Variants in DOCK9 observed in about 807,000 individuals in gnomAD.
DOCK9 encodes the protein dedicator of cytokinesis 9, also known as dedicator of cytokinesis protein 9.
DOCK9 carries 89 observed loss-of-function variants against 263.3 expected under a neutral mutation model. The ratio of observed to expected loss-of-function variants is 0.34; its 90% CI spans 0.28 to 0.40. The LOEUF (loss-of-function observed/expected upper bound fraction) is 0.40. Ranked by LOEUF, DOCK9 falls within the 10% of genes least tolerant of loss-of-function variation. The probability of loss-of-function intolerance (pLI) is 1.00; values close to 1 mark genes in which losing one functional copy is unlikely to be tolerated. For synonymous variants in DOCK9, 976 were observed against 973.1 expected (o/e 1.00, Z -0.06); for missense variants, 2,140 against 2,603.4 (o/e 0.82, Z 3.87).
At chr13:99,040,777 T>C (rs1266852186) in intron 1 of DOCK9, among the ~76,000 whole-genome samples, 1 of 152,156 alleles carries the variant, frequency 6.6e-6, no homozygotes, top group Non-Finnish European at 1.5e-5. Flanking sequence ...TAGGATGTAT[T>C]TGACCAACCC....
intron 1 of DOCK9, among the ~76,000 whole-genome samples, chr13:99,027,986 A>T (rs1180429650): frequency 6.6e-6 from 1 of 152,252 alleles, no homozygotes; most frequent in Non-Finnish European, 1.5e-5. Context: ...ACAACACAGC[A>T]CATGCTTTGA....
chr13:98,923,159 T>A (rs535043995), intron 5 of DOCK9, 143 bp downstream of exon 5: 28 of 717,338 alleles, frequency 3.9e-5, no homozygotes, highest in Admixed American at 7.7e-5. Context: ...ATAACATTTT[T>A]AAAAAATTAT....
At chr13:98,953,346 C>T in intron 2 of DOCK9, among the ~76,000 whole-genome samples, 1 of 152,228 alleles carries the variant, frequency 6.6e-6, no homozygotes, top group East Asian at 1.9e-4. Context: ...ATATTTGTGC[C>T]TGCTATCACC....
At chr13:98,892,769 CAGAGTATCT>C (rs2046817360) in intron 15 of DOCK9, among the ~76,000 whole-genome samples, 1 of 152,156 alleles carries the variant, frequency 6.6e-6, no homozygotes, top group Non-Finnish European at 1.5e-5. Context: ...TACCAGAAGG[CAGAGTATCT>C]AGATCTATCG....
At chr13:99,030,940 T>C (rs768099501) in intron 1 of DOCK9, among the ~76,000 whole-genome samples, 1 of 152,204 alleles carries the variant, frequency 6.6e-6, no homozygotes, top group Non-Finnish European at 1.5e-5. Flanking sequence ...TGCTAGATGA[T>C]GATAAATGTT....
At chr13:99,034,492 T>G (rs1887655992) in intron 1 of DOCK9, among the ~76,000 whole-genome samples, 1 of 152,362 alleles carries the variant, frequency 6.6e-6, no homozygotes, top group South Asian at 2.1e-4. Context: ...TGTCAGTTTC[T>G]GACTGTTGTA....
Position 98,881,914 on chromosome 13 carries a change from C to T in DOCK9, c.2653G>A (p.Glu885Lys). ...FRVLTRATQE[E>K]VAVNVTRVII... Reference sequence around the variant, plus strand: ...TACCGAGTCACGTTAACCGCGACTTCTTCCTGTGTGGCTCTGGTGAGGACT... The same window carrying T: ...TACCGAGTCACGTTAACCGCGACTTTTTCCTGTGTGGCTCTGGTGAGGACT... Residue 885 changes from glutamate (E) to lysine (K), a missense_variant, in exon 24 of 53, where the codon GAA becomes AAA. By Grantham distance (56) the Glu-to-Lys change is moderately conservative. This residue lies in a region of DOCK9 where 1,521 missense variants were observed against 1,741.7 expected (regional missense o/e 0.87). Transcript: ENST00000682017. 1 of 1,589,206 alleles carries T rather than the reference C, an allele frequency of 6.3e-7. No individual in the cohort carries two copies. Among genetic ancestry groups the T allele is most frequent in the South Asian group, 1.2e-5 (1 of 86,378 alleles).
intron 9 of DOCK9, among the ~76,000 whole-genome samples, chr13:98,913,926 G>A (rs953515446): frequency 3.9e-5 from 6 of 152,056 alleles, no homozygotes. Flanking sequence ...CCCGGGTTTC[G>A]TGGCAAGATT....
At chr13:99,062,430 T>C (rs1027932161) in intron 1 of DOCK9, among the ~76,000 whole-genome samples, 28 of 152,224 alleles carry the variant, frequency 1.8e-4, no homozygotes, top group African/African-American at 3.4e-4. Flanking sequence ...TCATGTGTTA[T>C]AGATCTCTGG....
At chr13:98,858,762 A>AG (rs2093770238) in intron 33 of DOCK9, 1 of 152,204 alleles carries the variant, frequency 6.6e-6, no homozygotes, top group Non-Finnish European at 1.5e-5. Flanking sequence ...CACAGCTGCA[A>AG]TGTCAGTGCG....
At chr13:99,070,445 C>G (rs1195535720) in intron 1 of DOCK9, among the ~76,000 whole-genome samples, 1 of 152,162 alleles carries the variant, frequency 6.6e-6, no homozygotes. Context: ...CGCATTTCTG[C>G]TTACTGCGTT....
At chr13:98,981,679 T>A (rs1877245687), upstream of DOCK9, among the ~76,000 whole-genome samples, 2 of 152,144 alleles carry the variant, frequency 1.3e-5, no homozygotes, top group Non-Finnish European at 2.9e-5. Context: ...GCTGGCGCTC[T>A]CCCCTGCTCA....
At chr13:98,923,561 A>G (rs1012198738) in intron 4 of DOCK9, among the ~76,000 whole-genome samples, 190 bp from the exon 5 acceptor site, 5 of 152,200 alleles carry the variant, frequency 3.3e-5, no homozygotes, top group African/African-American at 1.2e-4. Context: ...CTTGAGTAAG[A>G]AAGCTCCAAA....
chr13:98,950,198 G>A, intron 2 of DOCK9: 1 of 1,001,524 alleles, frequency 1.0e-6, no homozygotes, highest in South Asian at 1.6e-5. Flanking sequence ...GCCAAGGAAT[G>A]TTTATCTGGC....
In DOCK9 at chr13:98,954,069, G is replaced by T. The variant is rs112824682; in HGVS notation, c.243+1366C>A. Among the ~76,000 whole-genome samples, 552 of 152,088 alleles carry T rather than the reference G, an allele frequency of 3.6e-3. 2 individuals are homozygous for T. Among genetic ancestry groups the T allele is most frequent in the Non-Finnish European group, 3.7e-3 (254 of 67,960 alleles). On this transcript the variant is annotated intron_variant, in intron 2 of 52. Transcript: ENST00000682017. ...TTTAACAATTTCTATTAACATGGAA[G>T]TTTCTAAAGACAAGTATGCACAGAG... is the stretch of plus-strand genomic sequence containing the variant.
intron 47 of DOCK9, 66 bp from the exon 48 acceptor site, chr13:98,807,873 G>A (rs61040361): frequency 0.11 from 141,234 of 1,327,912 alleles, 9,156 homozygotes; most frequent in South Asian, 0.24. Context: ...CCTAGGAAGC[G>A]TTCTTTTATT....
chr13:98,904,644 G>C lies in DOCK9; in HGVS notation c.1023C>G (p.Asp341Glu). The change falls in exon 10 of 53, where the codon GAC becomes GAG. Residue 341 changes from aspartate (D) to glutamate (E), a missense_variant. This residue lies in a region of DOCK9 where 1,521 missense variants were observed against 1,741.7 expected (regional missense o/e 0.87). Coordinates refer to ENST00000682017, the MANE Select transcript of DOCK9 (RefSeq NM_001366683.2). ...SESRVKLFYL[D>E]PDAQKLDFSS... ...AGATAGTTCTTACCTGGGCATCTGG[G>C]TCCAAATAAAAAAGTTTGACTCTGC... is the stretch of plus-strand genomic sequence containing the variant. 6.4e-7 allele frequency: 1 copy of C among 1,556,012 alleles called. No homozygotes were observed. Among genetic ancestry groups the C allele is most frequent in the Non-Finnish European group, 8.7e-7 (1 of 1,148,672 alleles).
At chr13:99,057,134 A>G (rs1238272298) in intron 1 of DOCK9, among the ~76,000 whole-genome samples, 1 of 152,154 alleles carries the variant, frequency 6.6e-6, no homozygotes, top group Non-Finnish European at 1.5e-5. Flanking sequence ...GACCCCCTCA[A>G]TACACTCAGC....
At chr13:98,959,150 G>A (rs1379299935) in intron 1 of DOCK9, among the ~76,000 whole-genome samples, 1 of 152,206 alleles carries the variant, frequency 6.6e-6, no homozygotes, top group Non-Finnish European at 1.5e-5. Flanking sequence ...ATTGGGACAG[G>A]ACACAGTCTT....
Sources: gnomAD v4.1 joint callset for allele counts (sites outside exome capture counted in the v4.1 genomes callset) on GRCh38, gnomAD v4.1.1 for gene constraint, gnomAD v4.1.1 regional missense constraint, MANE v1.5 for transcripts, NCBI Gene and HGNC (gene_info 2026-07-23, HGNC 2026-07-21) for gene names.